Variants in C4orf54 observed in about 807,000 individuals in gnomAD.
C4orf54 encodes the protein chromosome 4 open reading frame 54.
Under a neutral mutation model 80.1 loss-of-function variants are expected in C4orf54, and 67 were observed. The ratio of observed to expected loss-of-function variants is 0.84; its 90% confidence interval spans 0.69 to 1.03. C4orf54 has a LOEUF of 1.03. Among genes scored for constraint, C4orf54 ranks in the 50% least tolerant of loss-of-function variants. C4orf54 has a pLI of 0.00. For missense variants in C4orf54, 2,434 were observed against 2,253.5 expected, an observed-to-expected ratio of 1.08 and a Z score of -1.62; for synonymous variants, 1,000 against 917.0, an observed-to-expected ratio of 1.09 and a Z score of -1.64.
rs1222742063 is a variant in C4orf54 at position 99,650,166 on chromosome 4, G to T, written c.4483C>A (p.Pro1495Thr). Residue 1495 changes from proline (P) to threonine (T), a missense_variant, in exon 2 of 3, where the codon CCC becomes ACC. By Grantham distance (38) the Pro-to-Thr change is conservative (BLOSUM62 -1). Coordinates refer to ENST00000511828, the MANE Select transcript of C4orf54 (RefSeq NM_001354435.2). ...AGAGTGGCAGCTGAGGAGTTGGGGG[G>T]CCCCTCCCTGGAAGCCCCAGGCCTG... ...LSRPGASREG[P>T]PNSSAATLCS... 1 of 1,535,968 alleles carries T rather than the reference G, an allele frequency of 6.5e-7. No individual in the cohort carries two copies. The highest frequency in any genetic ancestry group is 1.4e-5 in the African/African-American group (1 of 73,122).
At chr4:99,642,994 G>A (rs547458446) in intron 2 of C4orf54, among the ~76,000 whole-genome samples, 3 of 152,312 alleles carry the variant, frequency 2.0e-5, no homozygotes, top group Admixed American at 6.5e-5. Context: ...CTAGCTCAAA[G>A]AGGACTGCAG....
Position 99,653,790 on chromosome 4 carries a change from C to G in C4orf54, c.859G>C (p.Glu287Gln). Residue 287 changes from glutamate (E) to glutamine (Q), a missense_variant, in exon 2 of 3, where the codon GAG becomes CAG. By Grantham distance (29) the Glu-to-Gln change is conservative. Transcript: ENST00000511828. ...GCCCCTGTGGATGTGGTGGAGTCCT[C>G]CATTTTGGAAAGGCCATCCTCTTCT... Reference protein sequence around the residue: ...KAEEDGLSKMEDSTTSTGALA... With the variant: ...KAEEDGLSKMQDSTTSTGALA... 1 of 1,536,114 alleles carries G rather than the reference C, an allele frequency of 6.5e-7. No individual in the cohort carries two copies. Among genetic ancestry groups the G allele is most frequent in the Non-Finnish European group, 8.7e-7 (1 of 1,146,908 alleles).
At position 99,652,142 on chromosome 4, in the gene C4orf54, T is replaced by A; in HGVS notation, c.2507A>T (p.Asp836Val). 6.5e-7 allele frequency: 1 copy of A among 1,536,082 alleles called. No individual in the cohort carries two copies. The highest frequency in any genetic ancestry group is 1.2e-5 in the South Asian group (1 of 84,068). Residue 836 changes from aspartate to valine, a missense_variant, in exon 2 of 3, where the codon GAT becomes GTT. By Grantham distance (152) the Asp-to-Val change is radical. Transcript: ENST00000511828. ...GGTGCCTGAGAGGTGGTGGGATGTA[T>A]CCATGACTTCTCCCCTCTCCATTTT... ...EFKMERGEVMDTSHHLSGTSK... is the reference protein window; with the variant it reads ...EFKMERGEVMVTSHHLSGTSK...
In C4orf54 at chr4:99,650,342, C is replaced by A; in HGVS notation, c.4307G>T (p.Arg1436Leu). Residue 1436 changes from arginine (R) to leucine (L), a missense_variant, in exon 2 of 3, where the codon CGG becomes CTG. By Grantham distance (102) the Arg-to-Leu change is moderately radical. Transcript: ENST00000511828. Reference protein sequence around the residue: ...AAKGIKSQGLRSLKISPATRA... With the variant: ...AAKGIKSQGLLSLKISPATRA... ...GGTGGCTGGAGAGATCTTGAGGGACCGGAGTCCCTGCGACTTGATGCCCTT... is the reference window on the plus strand; with the variant it reads ...GGTGGCTGGAGAGATCTTGAGGGACAGGAGTCCCTGCGACTTGATGCCCTT... 1 of 1,536,024 alleles carries A rather than the reference C, an allele frequency of 6.5e-7. No homozygotes were observed. Among genetic ancestry groups the A allele is most frequent in the Non-Finnish European group, 8.7e-7 (1 of 1,146,874 alleles).
rs972385237 is a variant in C4orf54, at chr4:99,639,052, A to G, written c.*2181T>C. The G allele has an allele frequency of 6.6e-6, 1 of 152,120 alleles. No homozygotes were observed. Among genetic ancestry groups the G allele is most frequent in the Non-Finnish European group, 1.5e-5 (1 of 68,000 alleles). The allele number at this position is 152,120 out of a possible 1,614,324, so 9.4% of individuals were successfully genotyped here. A position where few individuals can be genotyped will look rare whatever the true frequency, so the allele number is the denominator to read the frequency against. ...CTGCTGGTGAGAAACACTGATACAT[A>G]GATTAGGGGTCCCAAGCCCTCAACT... On this transcript the variant is annotated 3_prime_UTR_variant, in exon 3 of 3. Coordinates refer to ENST00000511828, the MANE Select transcript of C4orf54 (RefSeq NM_001354435.2).
At chr4:99,655,509 A>G (rs1157193579) in intron 1 of C4orf54, among the ~76,000 whole-genome samples, 1 of 152,236 alleles carries the variant, frequency 6.6e-6, no homozygotes, top group Non-Finnish European at 1.5e-5. Flanking sequence ...AGAATAACAA[A>G]TACACTTACC....
Position 99,650,422 on chromosome 4 carries a change from C to G in C4orf54, c.4227G>C (p.Gly1409=). Residue 1409 remains glycine (G), a synonymous_variant, in exon 2 of 3, where the codon GGG becomes GGC. Transcript: ENST00000511828. ...TVSASSIQKT[G]GVAGKFPQGP... ...CTTGTGGGAACTTGCCAGCGACACC[C>G]CCAGTTTTCTGGATGCTGCTGGCAC... 1.3e-6 allele frequency: 2 copies of G among 1,536,082 alleles called. No individual in the cohort carries two copies. Among genetic ancestry groups the G allele is most frequent in the Non-Finnish European group, 1.7e-6 (2 of 1,146,892 alleles).
At position 99,654,634 on chromosome 4, in the gene C4orf54, A is replaced by T. The variant is rs531295292; in HGVS notation, c.15T>A (p.His5Gln). 1,291 of 693,118 alleles carry T rather than the reference A, an allele frequency of 1.9e-3. 4 individuals are homozygous for T. Among genetic ancestry groups the T allele is most frequent in the Non-Finnish European group, 3.0e-3 (1,115 of 376,730 alleles). 42.9% of individuals were successfully genotyped at this position (693,118 alleles called of 1,614,324 possible). MLSF[H>Q]FWKSRGQPTD... The stretch of plus-strand genomic sequence containing the variant: ...TAGGTTGACCCCGGGACTTCCAGAA[A>T]TGAAAGGAAAGCATGTGCTGTTTCT... The change falls in exon 2 of 3, where the codon CAT becomes CAA. Residue 5 changes from histidine (H) to glutamine (Q), a missense_variant. His to Gln is a conservative substitution (Grantham distance 24). Coordinates refer to ENST00000511828, the MANE Select transcript of C4orf54 (RefSeq NM_001354435.2).
At position 99,650,259 on chromosome 4, in the gene C4orf54, T is replaced by C; in HGVS notation, c.4390A>G (p.Asn1464Asp). 2.0e-6 allele frequency: 3 copies of C among 1,536,106 alleles called. No individual in the cohort carries two copies. The highest frequency in any genetic ancestry group is 2.6e-6 in the Non-Finnish European group (3 of 1,146,894). ...RKSGSNLEKS[N>D]SDCENYLTIP... ...GTCAGGTAATTCTCACAGTCACTGT[T>C]GCTCTTCTCCAAATTGCTGCCACTT... Residue 1464 changes from asparagine (N) to aspartate (D), a missense_variant, in exon 2 of 3, where the codon AAC (asparagine) becomes GAC (aspartate). Physicochemically the swap from Asn to Asp is conservative, Grantham distance 23. Coordinates refer to ENST00000511828, the MANE Select transcript of C4orf54 (RefSeq NM_001354435.2).
Position 99,651,668 on chromosome 4 carries a change from T to C in C4orf54, c.2981A>G (p.Asn994Ser), listed in dbSNP as rs1225936906. ...NTIMSRLFVPNIQQTPKDKQP... is the reference protein window; with the variant it reads ...NTIMSRLFVPSIQQTPKDKQP... ...CTTGTCCTTGGGTGTCTGCTGGATG[T>C]TGGGGACAAAGAGGCGAGACATGAT... Residue 994 changes from asparagine (N) to serine (S), a missense_variant, in exon 2 of 3, where the codon AAC (asparagine) becomes AGC (serine). Physicochemically the swap from Asn to Ser is conservative, Grantham distance 46. Coordinates refer to ENST00000511828, the MANE Select transcript of C4orf54 (RefSeq NM_001354435.2). 4.6e-6 allele frequency: 7 copies of C among 1,535,948 alleles called. No homozygotes were observed. The highest frequency in any genetic ancestry group is 4.9e-5 in the East Asian group (2 of 40,918).
At position 99,650,385 on chromosome 4, in the gene C4orf54, C is replaced by T. The variant is rs1029749349; in HGVS notation, c.4264G>A (p.Glu1422Lys). The T allele has an allele frequency of 6.5e-7, 1 of 1,536,040 alleles. No individual in the cohort carries two copies. The highest frequency in any genetic ancestry group is 2.4e-5 in the East Asian group (1 of 40,906). ...AGKFPQGPSP[E>K]SPSAAKGIKS... ...ATGCCCTTAGCTGCTGAAGGACTCT[C>T]CGGAGAAGGCCCTTGTGGGAACTTG... The change falls in exon 2 of 3, where the codon GAG (glutamate) becomes AAG (lysine). Residue 1422 changes from glutamate (E) to lysine (K), a missense_variant. Physicochemically the swap from Glu to Lys is moderately conservative, Grantham distance 56. Transcript: ENST00000511828.
Position 99,651,497 on chromosome 4 carries a change from G to A in C4orf54, c.3152C>T (p.Pro1051Leu). The change falls in exon 2 of 3, where the codon CCC (proline) becomes CTC (leucine). Residue 1051 changes from proline (P) to leucine (L), a missense_variant. Coordinates refer to ENST00000511828, the MANE Select transcript of C4orf54 (RefSeq NM_001354435.2). Reference protein sequence around the residue: ...SDFNIAKLLTPKLAGGSASNL... With the variant: ...SDFNIAKLLTLKLAGGSASNL... ...AGAGGCGCTGCCACCGGCCAGCTTG[G>A]GCGTGAGCAACTTGGCAATGTTGAA... 6.5e-7 allele frequency: 1 copy of A among 1,536,176 alleles called. No homozygotes were observed. Among genetic ancestry groups the A allele is most frequent in the South Asian group, 1.2e-5 (1 of 84,044 alleles).
Position 99,653,069 on chromosome 4 carries a change from G to C in C4orf54, c.1580C>G (p.Ser527Cys), listed in dbSNP as rs1031592761. The C allele has an allele frequency of 1.8e-5, 27 of 1,536,136 alleles. No individual in the cohort carries two copies. Among genetic ancestry groups the C allele is most frequent in the Non-Finnish European group, 2.2e-5 (25 of 1,146,928 alleles). ...GTTGCTAGGCTCATTTATAGCCCGG[G>C]AAGCCGGTTTGATTGATAGGAGGAT... is the stretch of plus-strand genomic sequence containing the variant. ...SQILLSIKPA[S>C]RAINEPSNVR... Residue 527 changes from serine to cysteine, a missense_variant, in exon 2 of 3, where the codon TCC becomes TGC. Coordinates refer to ENST00000511828, the MANE Select transcript of C4orf54 (RefSeq NM_001354435.2).
chr4:99,655,688 G>T (rs1341582041), intron 1 of C4orf54, among the ~76,000 whole-genome samples: 1 of 152,162 alleles, frequency 6.6e-6, no homozygotes, highest in Admixed American at 6.5e-5. Flanking sequence ...TAAGATGGGG[G>T]TCTGTGCTGG....
rs1214072837 is a variant in C4orf54, at chr4:99,654,792, A to G, written c.-31-113T>C. 8.6e-6 allele frequency: 5 copies of G among 579,416 alleles called. No homozygotes were observed. The East Asian group carries it at 1.4e-4, about 16-fold the overall frequency. 35.9% of individuals were successfully genotyped at this position (579,416 alleles called of 1,614,324 possible). A position where few individuals can be genotyped will look rare whatever the true frequency, so the allele number is the denominator to read the frequency against. ...AAAGAAGAGGCTCTAATGAGATGAAAAGAGAAGGTTGGGGGTGGAGGAGGC... is the reference window on the plus strand; with the variant it reads ...AAAGAAGAGGCTCTAATGAGATGAAGAGAGAAGGTTGGGGGTGGAGGAGGC... On this transcript the variant is annotated intron_variant, in intron 1 of 2. Coordinates refer to ENST00000511828, the MANE Select transcript of C4orf54 (RefSeq NM_001354435.2).
At position 99,636,826 on chromosome 4, in the gene C4orf54, C is replaced by A. The variant is rs1039021307; in HGVS notation, c.*4407G>T. Reference sequence around the variant, plus strand: ...AATCATATCAGACCTCAGGTAGGAACTTTTCCACCAAGATTCCTACGTTGA... The same window carrying A: ...AATCATATCAGACCTCAGGTAGGAAATTTTCCACCAAGATTCCTACGTTGA... On this transcript the variant is annotated 3_prime_UTR_variant, in exon 3 of 3. Coordinates refer to ENST00000511828, the MANE Select transcript of C4orf54 (RefSeq NM_001354435.2). 2.0e-5 allele frequency: 3 copies of A among 152,182 alleles called. No individual in the cohort carries two copies. Among genetic ancestry groups the A allele is most frequent in the African/African-American group, 4.8e-5 (2 of 41,438 alleles). 9.4% of individuals were successfully genotyped at this position (152,182 alleles called of 1,614,324 possible).
chr4:99,656,670 AT>A (rs1286772787), intron 1 of C4orf54, among the ~76,000 whole-genome samples: 2 of 152,230 alleles, frequency 1.3e-5, no homozygotes, highest in Admixed American at 1.3e-4. Context: ...ACATTTTTAA[AT>A]GTGTGTGTAT....
Position 99,651,164 on chromosome 4 carries a change from C to T in C4orf54, c.3485G>A (p.Arg1162Lys), listed in dbSNP as rs978626471. ...VITCQAVVNQ[R>K]EDSMDREPRE... ...GGGCTCTCGGTCCATGCTGTCTTCCCTCTGGTTCACTACAGCCTGGCATGT... is the reference window on the plus strand; with the variant it reads ...GGGCTCTCGGTCCATGCTGTCTTCCTTCTGGTTCACTACAGCCTGGCATGT... Residue 1162 changes from arginine (R) to lysine (K), a missense_variant, in exon 2 of 3, where the codon AGG (arginine) becomes AAG (lysine). Arg to Lys is a conservative substitution (Grantham distance 26). Coordinates refer to ENST00000511828, the MANE Select transcript of C4orf54 (RefSeq NM_001354435.2). 2 of 1,536,040 alleles carry T rather than the reference C, an allele frequency of 1.3e-6. No individual in the cohort carries two copies. Among genetic ancestry groups the T allele is most frequent in the African/African-American group, 2.7e-5 (2 of 73,046 alleles).
chr4:99,644,180 G>A (rs1301983323), intron 2 of C4orf54, among the ~76,000 whole-genome samples: 3 of 152,126 alleles, frequency 2.0e-5, no homozygotes, highest in Admixed American at 6.5e-5. Flanking sequence ...TCTGGGATAA[G>A]TTAATGTTTA....
Sources: gnomAD v4.1 joint callset for allele counts (sites outside exome capture counted in the v4.1 genomes callset) on GRCh38, gnomAD v4.1.1 for gene constraint, MANE v1.5 for transcripts, NCBI Gene and HGNC (gene_info 2026-07-23, HGNC 2026-07-21) for gene names.